GALNT9: variants seen among roughly 807,000 people sequenced by gnomAD.
The protein encoded by GALNT9 is GalNAc transferase 9.
GALNT9 carries 47 observed loss-of-function variants against 63.1 expected under a neutral mutation model. The observed-to-expected ratio is 0.75, with a 90% CI of 0.59 to 0.95. The LOEUF is 0.95. Among genes scored for constraint, GALNT9 ranks in the 40% least tolerant of loss-of-function variants. The probability of loss-of-function intolerance (pLI) is 0.00; values close to 1 mark genes in which losing one functional copy is unlikely to be tolerated. For synonymous variants in GALNT9, 396 were observed against 365.7 expected (o/e 1.08, Z -0.94); for missense variants, 829 against 874.8 (o/e 0.95, Z 0.66).
rs1555245980 is a variant in GALNT9, at chr12:132,319,817, C to T, written c.238+9149G>A. Among the ~76,000 whole-genome samples the T allele has an allele frequency of 6.6e-6, 1 of 152,216 alleles. No individual in the cohort carries two copies. Among genetic ancestry groups the T allele is most frequent in the African/African-American group, 2.4e-5 (1 of 41,442 alleles). On this transcript the variant is annotated intron_variant, in intron 1 of 10. Coordinates refer to ENST00000328957, the MANE Select transcript of GALNT9 (RefSeq NM_001122636.2). This position sits in a 1 kb window ranked among gnomAD's most constrained non-coding sequence, Gnocchi z 5.2. ...CCTCGGGCCTGGGTGCCCAGCCTCC[C>T]GCGTCCTTCTAGGGAGAAGCCGGAT...
In GALNT9 at chr12:132,196,971, C is replaced by T. The variant is rs1386727392; in HGVS notation, c.*136G>A. ...CCCTGGTCACTCAGCCACACCCCGG[C>T]CCCTCAGCCTCTGCTGTCCTGGCCG... On this transcript the variant is annotated 3_prime_UTR_variant, in exon 11 of 11. Transcript: ENST00000328957. 1.3e-5 allele frequency: 19 copies of T among 1,501,414 alleles called. No individual in the cohort carries two copies. Among genetic ancestry groups the T allele is most frequent in the Non-Finnish European group, 1.6e-5 (18 of 1,129,476 alleles). The allele number at this position is 1,501,414 out of a possible 1,614,324, so 93.0% of individuals were successfully genotyped here.
intron 1 of GALNT9, among the ~76,000 whole-genome samples, chr12:132,322,084 GC>G: frequency 6.6e-6 from 1 of 152,296 alleles, no homozygotes; most frequent in Middle Eastern, 3.4e-3. Flanking sequence ...CTGGCTGAGG[GC>G]ATCTTATCTA....
At position 132,296,243 on chromosome 12, in the gene GALNT9, A is replaced by T. The variant is rs1413803738; in HGVS notation, c.239-9813T>A. Reference sequence around the variant, plus strand: ...GGTCTAAGCCACGCAGTCTGTGGTGATCTGTCACGGCAGCCCCAAGAGATG... The same window carrying T: ...GGTCTAAGCCACGCAGTCTGTGGTGTTCTGTCACGGCAGCCCCAAGAGATG... On this transcript the variant is annotated intron_variant, in intron 1 of 10. Transcript: ENST00000328957. This position sits in a 1 kb window ranked among gnomAD's most constrained non-coding sequence, Gnocchi z 4.2. Among the ~76,000 whole-genome samples, 2 of 152,256 alleles carry T rather than the reference A, an allele frequency of 1.3e-5. No homozygotes were observed. The highest frequency in any genetic ancestry group is 2.9e-5 in the Non-Finnish European group (2 of 68,046).
intron 8 of GALNT9, among the ~76,000 whole-genome samples, chr12:132,200,008 T>TG (rs1441347126): frequency 6.6e-6 from 1 of 152,174 alleles, no homozygotes; most frequent in African/African-American, 2.4e-5. Flanking sequence ...ACGGCTGCTC[T>TG]GGGTTGGGGG....
In GALNT9 at chr12:132,198,104, G is replaced by A. The variant is rs546396379; in HGVS notation, c.1498-145C>T. 2,186 of 676,068 alleles carry A rather than the reference G, an allele frequency of 3.2e-3. 10 individuals carry two copies. Among genetic ancestry groups the A allele is most frequent in the Non-Finnish European group, 4.5e-3 (1,833 of 406,878 alleles). The allele number at this position is 676,068 out of a possible 1,614,324, so 41.9% of individuals were successfully genotyped here. ...CCTCCCACCCCGGGGACGCTGTTGC[G>A]GGCGGGAGAGGACCGCCGGGCAGGG... On this transcript the variant is annotated intron_variant, in intron 9 of 10. Coordinates refer to ENST00000328957, the MANE Select transcript of GALNT9 (RefSeq NM_001122636.2).
At chr12:132,292,527 A>G (rs1354950799) in intron 1 of GALNT9, among the ~76,000 whole-genome samples, 1 of 152,232 alleles carries the variant, frequency 6.6e-6, no homozygotes, top group East Asian at 1.9e-4. Context: ...AAAACGGAGC[A>G]GAGCCAGGCA....
At chr12:132,204,440 G>A (rs3935477) in intron 6 of GALNT9, among the ~76,000 whole-genome samples, 69,952 of 151,852 alleles carry the variant, frequency 0.46, 17,355 homozygotes, top group Non-Finnish European at 0.56. Flanking sequence ...GGTGGGAGCC[G>A]TGTTTAAATC....
chr12:132,283,662 C>T (rs1252787241), intron 2 of GALNT9: 2 of 152,402 alleles, frequency 1.3e-5, no homozygotes, highest in East Asian at 1.9e-4. Flanking sequence ...CCAGTGAGGA[C>T]CATGGTCACC....
chr12:132,212,159 C>G, intron 6 of GALNT9, among the ~76,000 whole-genome samples: 1 of 148,060 alleles, frequency 6.8e-6, no homozygotes, highest in Admixed American at 6.7e-5. Context: ...CTTCACACCA[C>G]GACACGGAAA....
intron 6 of GALNT9, among the ~76,000 whole-genome samples, chr12:132,227,486 C>T (rs1488232543): frequency 5.9e-5 from 9 of 152,346 alleles, no homozygotes; most frequent in African/African-American, 2.2e-4. Context: ...CAGACGCAGA[C>T]GGGCTCCAGC....
intron 5 of GALNT9, among the ~76,000 whole-genome samples, chr12:132,256,730 C>T (rs558652384): frequency 1.4e-4 from 22 of 151,904 alleles, no homozygotes; most frequent in African/African-American, 3.9e-4. Flanking sequence ...GAAGGAGCTG[C>T]CGGTTTTCCA....
intron 6 of GALNT9, among the ~76,000 whole-genome samples, chr12:132,226,134 GTACA>G (rs1203335084): frequency 3.0e-5 from 3 of 99,426 alleles, no homozygotes; most frequent in African/African-American, 4.1e-5. Flanking sequence ...ACCCCACACT[GTACA>G]TACACACCCC....
chr12:132,200,283 C>G (rs1166934163), intron 8 of GALNT9, among the ~76,000 whole-genome samples: 1 of 152,184 alleles, frequency 6.6e-6, no homozygotes, highest in Non-Finnish European at 1.5e-5. Flanking sequence ...GGCACCCCAT[C>G]CCCTGCACAG....
chr12:132,237,025 C>A (rs1878028550), intron 6 of GALNT9, among the ~76,000 whole-genome samples: 2 of 152,184 alleles, frequency 1.3e-5, no homozygotes. Flanking sequence ...GGATTCCGCC[C>A]AGGTCCTCTT....
chr12:132,298,880 C>T (rs1279577121), intron 1 of GALNT9, among the ~76,000 whole-genome samples: 1 of 148,314 alleles, frequency 6.7e-6, no homozygotes. Context: ...CCAAGCCACT[C>T]CTGAGATAAC....
intron 6 of GALNT9, among the ~76,000 whole-genome samples, chr12:132,216,639 G>A (rs11247009): frequency 0.17 from 26,551 of 152,240 alleles, 2,402 homozygotes; most frequent in Middle Eastern, 0.3. Flanking sequence ...AGATCTGCGT[G>A]CCCACGTGGC....
intron 1 of GALNT9, among the ~76,000 whole-genome samples, chr12:132,300,701 A>C: frequency 6.7e-6 from 1 of 148,824 alleles, no homozygotes; most frequent in East Asian, 2.0e-4. Flanking sequence ...TCCCATAACT[A>C]ACCCACTGCC....
intron 1 of GALNT9, among the ~76,000 whole-genome samples, chr12:132,305,358 C>A (rs374691112): frequency 5.3e-5 from 2 of 37,724 alleles, no homozygotes; most frequent in Non-Finnish European, 4.7e-5. Context: ...CCCGGGCACA[C>A]CCTCACCCGG....
rs1459804045 is a variant in GALNT9 at position 132,203,693 on chromosome 12, G to C, written c.1078-3C>G. 6.2e-7 allele frequency: 1 copy of C among 1,610,744 alleles called. No individual in the cohort carries two copies. Among genetic ancestry groups the C allele is most frequent in the Non-Finnish European group, 8.5e-7 (1 of 1,179,398 alleles). On this transcript the variant is annotated splice_polypyrimidine_tract_variant and splice_region_variant and intron_variant, in intron 6 of 10. Coordinates refer to ENST00000328957, the MANE Select transcript of GALNT9 (RefSeq NM_001122636.2). ...ATGCTGCCGCCACACTGCCACACCTGCGGGGAGACGGCGCTGGGTGCCGGC... is the reference window on the plus strand; with the variant it reads ...ATGCTGCCGCCACACTGCCACACCTCCGGGGAGACGGCGCTGGGTGCCGGC...
Sources: allele counts gnomAD v4.1 joint callset (sites outside exome capture counted in the v4.1 genomes callset), GRCh38; gene constraint gnomAD v4.1.1; non-coding constraint Gnocchi (gnomAD v3.1); transcripts MANE v1.5; gene names NCBI Gene and HGNC (gene_info 2026-07-23, HGNC 2026-07-21).